The following ANP32A variants were observed in gnomAD, a reference collection of about 807,000 sequenced individuals.
The protein encoded by ANP32A is acidic nuclear phosphoprotein 32 family member A.
Under a neutral mutation model 33.9 loss-of-function variants are expected in ANP32A, and 1 was observed. The ratio of observed to expected loss-of-function variants is 0.03; its 90% CI spans 0.01 to 0.14. ANP32A has a LOEUF of 0.14. ANP32A is among the 10% of genes least tolerant of loss of function. The pLI is 1.00. For synonymous variants in ANP32A, 115 were observed against 120.5 expected (o/e 0.95, Z 0.30); for missense variants, 155 against 306.0 (o/e 0.51, Z 3.68).
chr15:68,781,074 G>A (rs186883306), intron 5 of ANP32A: 7 of 152,508 alleles, frequency 4.6e-5, no homozygotes, highest in Admixed American at 3.3e-4. Flanking sequence ...TCAGCAAGGT[G>A]TATGACTTTC....
intron 5 of ANP32A, among the ~76,000 whole-genome samples, chr15:68,781,958 G>T (rs974011051): frequency 5.3e-5 from 8 of 152,172 alleles, no homozygotes; most frequent in Non-Finnish European, 1.5e-5. Flanking sequence ...CGGCTGGCTG[G>T]AACTGGAAGA....
intron 1 of ANP32A, among the ~76,000 whole-genome samples, chr15:68,809,699 G>A (rs932464133): frequency 3.9e-5 from 6 of 152,160 alleles, no homozygotes; most frequent in East Asian, 1.9e-4. Context: ...GTGGGGGTGC[G>A]GGTGTGAAGG....
intron 1 of ANP32A, among the ~76,000 whole-genome samples, chr15:68,800,967 G>A (rs1404567372): frequency 2.2e-5 from 3 of 137,144 alleles, no homozygotes; most frequent in Non-Finnish European, 4.7e-5. Flanking sequence ...CAGCTAGGAA[G>A]CCAGGTGGGT....
At chr15:68,816,221 C>A (rs538636232) in intron 1 of ANP32A, among the ~76,000 whole-genome samples, 1 of 152,008 alleles carries the variant, frequency 6.6e-6, no homozygotes, top group South Asian at 2.1e-4. Flanking sequence ...CACTCCAAAG[C>A]TGGAGAAGAA....
In ANP32A at chr15:68,804,095, C is replaced by T. The variant is rs967312807; in HGVS notation, c.55-16176G>A. ...GATTACAGGCATGAGCCACTGCGCC[C>T]GGCCCACAATAAAACATTTTTAAAA... On this transcript the variant is annotated intron_variant, in intron 1 of 6. Coordinates refer to ENST00000465139, the MANE Select transcript of ANP32A (RefSeq NM_006305.4). Among the ~76,000 whole-genome samples, 13 of 152,134 alleles carry T rather than the reference C, an allele frequency of 8.5e-5. No homozygotes were observed. In the East Asian group the frequency reaches 9.6e-4, roughly 11 times the overall value.
intron 3 of ANP32A, among the ~76,000 whole-genome samples, chr15:68,787,024 C>T (rs1893941745): frequency 1.3e-5 from 2 of 152,216 alleles, no homozygotes; most frequent in African/African-American, 2.4e-5. Flanking sequence ...AGTCCACCTC[C>T]AGGGCCAGTT....
At chr15:68,793,175 G>T (rs1242765802) in intron 1 of ANP32A, among the ~76,000 whole-genome samples, 1 of 152,208 alleles carries the variant, frequency 6.6e-6, no homozygotes, top group Non-Finnish European at 1.5e-5. Context: ...GCCTACCAGG[G>T]AGCGGAGACC....
At chr15:68,798,068 G>A (rs999338168) in intron 1 of ANP32A, among the ~76,000 whole-genome samples, 7 of 152,190 alleles carry the variant, frequency 4.6e-5, no homozygotes, top group South Asian at 4.1e-4. Flanking sequence ...TGACAGATAC[G>A]GTTAATTCTG....
chr15:68,803,942 C>T (rs900154802), intron 1 of ANP32A, among the ~76,000 whole-genome samples: 2 of 151,450 alleles, frequency 1.3e-5, no homozygotes, highest in Non-Finnish European at 2.9e-5. Context: ...GCTGGGATTA[C>T]AGGCGTGCAC....
intron 1 of ANP32A, among the ~76,000 whole-genome samples, chr15:68,794,629 G>C (rs1315236194): frequency 3.3e-5 from 5 of 152,310 alleles, no homozygotes; most frequent in Middle Eastern, 3.4e-3. Flanking sequence ...CAAACTGTCT[G>C]AGACACCAAG....
At position 68,814,317 on chromosome 15, in the gene ANP32A, T is replaced by C. The variant is rs185919114; in HGVS notation, c.54+6381A>G. 4.2e-4 allele frequency among the ~76,000 whole-genome samples: 64 copies of C among 152,060 alleles called. No homozygotes were observed. In the East Asian group the frequency reaches 0.012, roughly 28 times the overall value. ...GCTCACACCTGTAATCCCAGCGCTT[T>C]GGGATGCCAAGGTGGGCAGATCACT... On this transcript the variant is annotated intron_variant, in intron 1 of 6. Coordinates refer to ENST00000465139, the MANE Select transcript of ANP32A (RefSeq NM_006305.4).
At chr15:68,817,204 T>C (rs1342864972) in intron 1 of ANP32A, among the ~76,000 whole-genome samples, 2 of 151,966 alleles carry the variant, frequency 1.3e-5, no homozygotes, top group Non-Finnish European at 2.9e-5. Flanking sequence ...AGAAAGGCGG[T>C]TTACTTTTTT....
chr15:68,783,979 C>T (rs1415339048), intron 4 of ANP32A, among the ~76,000 whole-genome samples: 1 of 152,146 alleles, frequency 6.6e-6, no homozygotes, highest in Non-Finnish European at 1.5e-5. Flanking sequence ...TCTATCCCCT[C>T]CCTCCCTCCC....
At chr15:68,785,809 A>T (rs944818400) in intron 3 of ANP32A, among the ~76,000 whole-genome samples, 6 of 152,206 alleles carry the variant, frequency 3.9e-5, no homozygotes, top group African/African-American at 1.4e-4. Context: ...ATGTTTTACA[A>T]GGATTTTATA....
At chr15:68,818,935 G>C (rs921853566) in intron 1 of ANP32A, among the ~76,000 whole-genome samples, 28 of 151,204 alleles carry the variant, frequency 1.9e-4, no homozygotes, top group Non-Finnish European at 3.7e-4. Context: ...CGGAAACTCC[G>C]GCCTCCACCG....
chr15:68,783,469 C>T (rs1893895302), intron 4 of ANP32A, among the ~76,000 whole-genome samples: 1 of 152,156 alleles, frequency 6.6e-6, no homozygotes, highest in South Asian at 2.1e-4. Flanking sequence ...TTGAGCTGGG[C>T]CTAGGGGACC....
At chr15:68,806,466 G>A (rs1007383958) in intron 1 of ANP32A, among the ~76,000 whole-genome samples, 2 of 152,102 alleles carry the variant, frequency 1.3e-5, no homozygotes, top group Non-Finnish European at 2.9e-5. Flanking sequence ...TTCCATTTCC[G>A]CTCCCACTAC....
chr15:68,782,911 C>T, intron 5 of ANP32A, 45 bp downstream of exon 5: 1 of 1,549,688 alleles, frequency 6.5e-7, no homozygotes, highest in Non-Finnish European at 8.7e-7. Flanking sequence ...AGTGGGACTG[C>T]CTCAAAGGGG....
At chr15:68,818,977 C>T (rs1482797376) in intron 1 of ANP32A, among the ~76,000 whole-genome samples, 1 of 152,200 alleles carries the variant, frequency 6.6e-6, no homozygotes, top group Admixed American at 6.5e-5. Flanking sequence ...CGGCCGCCCC[C>T]TCCCCGCCCT....
Sources: gnomAD v4.1 joint callset for allele counts (sites outside exome capture counted in the v4.1 genomes callset) on GRCh38, gnomAD v4.1.1 for gene constraint, MANE v1.5 for transcripts, NCBI Gene and HGNC (gene_info 2026-07-23, HGNC 2026-07-21) for gene names.